Variants in ARHGAP15 observed in about 807,000 individuals in gnomAD.
ARHGAP15 encodes Rho GTPase activating protein 15.
A neutral mutation model predicts 63.7 loss-of-function variants in ARHGAP15; 51 were observed. The ratio of observed to expected loss-of-function variants is 0.80; its 90% confidence interval spans 0.64 to 1.01. The LOEUF is 1.01. ARHGAP15 is among the 50% of genes least tolerant of loss of function. The probability of loss-of-function intolerance (pLI) is 0.00; values close to 1 mark genes in which losing one functional copy is unlikely to be tolerated. For missense variants in ARHGAP15, 560 were observed against 564.6 expected (o/e 0.99, Z 0.08); for synonymous variants, 191 against 193.8 (o/e 0.99, Z 0.12).
At chr2:143,757,146 A>T (rs1686607004) in intron 13 of ARHGAP15, among the ~76,000 whole-genome samples, 1 of 152,218 alleles carries the variant, frequency 6.6e-6, no homozygotes. Context: ...AAAGAAAAAA[A>T]AAATGGGAAG....
intron 6 of ARHGAP15, among the ~76,000 whole-genome samples, chr2:143,371,512 C>T (rs566698534): frequency 6.6e-6 from 1 of 152,280 alleles, no homozygotes; most frequent in South Asian, 2.1e-4. Context: ...CTCCTCTCCC[C>T]ACCCCCAACA....
At chr2:143,588,518 C>A (rs895458330) in intron 11 of ARHGAP15, among the ~76,000 whole-genome samples, 9 of 152,068 alleles carry the variant, frequency 5.9e-5, no homozygotes, top group African/African-American at 2.2e-4. Context: ...TGGTGGGTGT[C>A]GTTCCCTTCC....
rs386391398 is a variant in ARHGAP15 at position 143,184,852 on chromosome 2, C to CTTT, written c.166-17273_166-17271dup. Among the ~76,000 whole-genome samples the CTTT allele has an allele frequency of 3.4e-3, 501 of 145,300 alleles. 3 individuals carry two copies. Among genetic ancestry groups the CTTT allele is most frequent in the Middle Eastern group, 0.011 (3 of 276 alleles). Reference sequence around the variant, plus strand: ...GATGCCCAGCTTTTTTTTCTTTTTTCTTTTTTTTTTTGTAGAGACAAAGTC... The same window carrying CTTT: ...GATGCCCAGCTTTTTTTTCTTTTTTCTTTTTTTTTTTTTTGTAGAGACAAAGTC... On this transcript the variant is annotated intron_variant, in intron 2 of 13. Transcript: ENST00000295095.
intron 2 of ARHGAP15, among the ~76,000 whole-genome samples, chr2:143,200,415 C>T (rs568672372): frequency 7.0e-6 from 1 of 143,182 alleles, no homozygotes; most frequent in South Asian, 2.5e-4. Context: ...TCAAAATCTT[C>T]ACAGACATTG....
Position 143,235,992 on chromosome 2 carries a change from A to T in ARHGAP15, c.384+7324A>T. The T allele has an allele frequency of 6.5e-6, 10 of 1,541,078 alleles. No homozygotes were observed. The South Asian group carries it at 1.2e-4, about 19-fold the overall frequency. ...GGAGGCACCTGACCATGTTCATGGG[A>T]TTTGGCAAATCTCCATTTTTGGTTA... On this transcript the variant is annotated intron_variant, in intron 5 of 13. Coordinates refer to ENST00000295095, the MANE Select transcript of ARHGAP15 (RefSeq NM_018460.4).
chr2:143,606,616 C>T (rs1307539961), intron 11 of ARHGAP15: 1 of 152,162 alleles, frequency 6.6e-6, no homozygotes, highest in Non-Finnish European at 1.5e-5. Flanking sequence ...ATATAGACAA[C>T]TCCTATTTTT....
intron 6 of ARHGAP15, among the ~76,000 whole-genome samples, chr2:143,388,828 T>G (rs1457984260): frequency 6.6e-6 from 1 of 152,146 alleles, no homozygotes; most frequent in Non-Finnish European, 1.5e-5. Context: ...CAAAGGCCAG[T>G]GCCATTTTGT....
chr2:143,494,960 T>G (rs1692752399), intron 9 of ARHGAP15, among the ~76,000 whole-genome samples: 1 of 152,240 alleles, frequency 6.6e-6, no homozygotes, highest in Non-Finnish European at 1.5e-5. Context: ...TATTTGAAAG[T>G]ATAGCAGCTT....
intron 6 of ARHGAP15, among the ~76,000 whole-genome samples, chr2:143,275,218 C>G (rs1337371188): frequency 6.6e-6 from 1 of 152,022 alleles, no homozygotes; most frequent in Non-Finnish European, 1.5e-5. Flanking sequence ...CTTGATGGGG[C>G]AGGAGGAGTT....
Position 143,267,484 on chromosome 2 carries a change from AATT to A in ARHGAP15, c.474+16888_474+16890del, listed in dbSNP as rs1252546080. ...GGGAATATGGGAAATTTGCATCAAT[AATT>A]ATTTAAGTCCAAGGCAGATGCATAA... On this transcript the variant is annotated intron_variant, in intron 6 of 13. Transcript: ENST00000295095. 2.6e-5 allele frequency among the ~76,000 whole-genome samples: 4 copies of A among 152,172 alleles called. No homozygotes were observed. In the East Asian group the frequency reaches 7.7e-4, roughly 29 times the overall value.
At chr2:143,500,927 A>AT (rs1340093236) in intron 9 of ARHGAP15, among the ~76,000 whole-genome samples, 3 of 152,260 alleles carry the variant, frequency 2.0e-5, no homozygotes, top group Admixed American at 2.0e-4. Flanking sequence ...CAGGAGGGAG[A>AT]TTTTAGAAGA....
intron 2 of ARHGAP15, among the ~76,000 whole-genome samples, chr2:143,187,508 C>A (rs543678032): frequency 2.0e-5 from 3 of 152,168 alleles, no homozygotes; most frequent in African/African-American, 4.8e-5. Context: ...CTTGAAGTCA[C>A]TTCAGAAGTA....
At chr2:143,717,793 C>G (rs1345640825) in intron 13 of ARHGAP15, among the ~76,000 whole-genome samples, 1 of 151,546 alleles carries the variant, frequency 6.6e-6, no homozygotes, top group Non-Finnish European at 1.5e-5. Flanking sequence ...TGCAGTTAGT[C>G]AAGGCTGTGC....
At chr2:143,257,995 C>A (rs2105004784) in intron 6 of ARHGAP15, among the ~76,000 whole-genome samples, 1 of 152,156 alleles carries the variant, frequency 6.6e-6, no homozygotes, top group Admixed American at 6.6e-5. Context: ...ATGTGTATTT[C>A]ATGCTGTGTA....
chr2:143,298,209 C>T lies in ARHGAP15; in HGVS notation c.474+47609C>T, dbSNP rs541050211. Reference sequence around the variant, plus strand: ...ATCAAGTTCTCAGATATCTCATCCACGTATGTATTGCTATAGAGATATTAG... The same window carrying T: ...ATCAAGTTCTCAGATATCTCATCCATGTATGTATTGCTATAGAGATATTAG... On this transcript the variant is annotated intron_variant, in intron 6 of 13. Coordinates refer to ENST00000295095, the MANE Select transcript of ARHGAP15 (RefSeq NM_018460.4). Among the ~76,000 whole-genome samples, 5 of 152,026 alleles carry T rather than the reference C, an allele frequency of 3.3e-5. No homozygotes were observed. The East Asian group carries it at 5.8e-4, about 18-fold the overall frequency.
At chr2:143,279,656 G>A (rs888342771) in intron 6 of ARHGAP15, among the ~76,000 whole-genome samples, 1 of 152,036 alleles carries the variant, frequency 6.6e-6, no homozygotes, top group Non-Finnish European at 1.5e-5. Flanking sequence ...CTCAGTTTTG[G>A]TTATATAGTT....
chr2:143,537,693 A>AT (rs923541581), intron 10 of ARHGAP15, among the ~76,000 whole-genome samples: 38 of 152,230 alleles, frequency 2.5e-4, no homozygotes, highest in African/African-American at 7.9e-4. Flanking sequence ...GGCTGTAGAT[A>AT]TGCAGCATTA....
At chr2:143,640,119 T>C (rs1376261487) in intron 12 of ARHGAP15, among the ~76,000 whole-genome samples, 1 of 152,116 alleles carries the variant, frequency 6.6e-6, no homozygotes, top group Non-Finnish European at 1.5e-5. Flanking sequence ...TTTATGTCTG[T>C]TTATCTGACA....
At chr2:143,411,775 T>C (rs1261746890) in intron 6 of ARHGAP15, among the ~76,000 whole-genome samples, 1 of 152,152 alleles carries the variant, frequency 6.6e-6, no homozygotes, top group African/African-American at 2.4e-5. Context: ...TAAGCAAAAA[T>C]ACATGTCAAT....
Sources: allele counts gnomAD v4.1 joint callset (sites outside exome capture counted in the v4.1 genomes callset), GRCh38; gene constraint gnomAD v4.1.1; transcripts MANE v1.5; gene names NCBI Gene and HGNC (gene_info 2026-07-23, HGNC 2026-07-21).